Variants in CSRNP3 observed in about 807,000 individuals in gnomAD.
The protein encoded by CSRNP3 is cysteine/serine-rich nuclear protein 3.
A neutral mutation model predicts 48.0 loss-of-function variants in CSRNP3; 12 were observed. That is an observed-to-expected ratio of 0.25 (90% CI 0.16 to 0.41). The LOEUF (loss-of-function observed/expected upper bound fraction) is 0.41. Ranked by LOEUF, CSRNP3 falls within the 10% of genes least tolerant of loss-of-function variation. The pLI, the probability that CSRNP3 is intolerant of heterozygous loss-of-function variation, is 1.00. For missense variants in CSRNP3, 580 were observed against 724.4 expected (o/e 0.80, Z 2.29); for synonymous variants, 263 against 269.7 (o/e 0.98, Z 0.24).
chr2:165,517,578 T>G (rs1260047178), intron 2 of CSRNP3, among the ~76,000 whole-genome samples: 1 of 151,910 alleles, frequency 6.6e-6, no homozygotes, highest in Non-Finnish European at 1.5e-5. Context: ...GTTAATAAAA[T>G]GGATATATCT....
chr2:165,580,497 T>C (rs1367918998), intron 3 of CSRNP3, among the ~76,000 whole-genome samples: 1 of 152,204 alleles, frequency 6.6e-6, no homozygotes. Flanking sequence ...TTTCTACTTG[T>C]TGTAATTTTA....
rs1017424623 is a variant in CSRNP3, at chr2:165,682,764, A to G, written c.*3011A>G. ...AACAAAGAGCTGCCCACATGCCAGG[A>G]AAGTGCTACAGTCCTTCTAAGCTTT... On this transcript the variant is annotated 3_prime_UTR_variant, in exon 7 of 7. Transcript: ENST00000651982. 1 of 152,112 alleles carries G rather than the reference A, an allele frequency of 6.6e-6. No homozygotes were observed. Among genetic ancestry groups the G allele is most frequent in the Admixed American group, 6.6e-5 (1 of 15,234 alleles). The allele number at this position is 152,112 out of a possible 1,614,324, so 9.4% of individuals were successfully genotyped here.
At chr2:165,665,333 TA>T (rs1687160744) in intron 5 of CSRNP3, among the ~76,000 whole-genome samples, 1 of 152,174 alleles carries the variant, frequency 6.6e-6, no homozygotes, top group Non-Finnish European at 1.5e-5. Context: ...CTCAGCTAAC[TA>T]AAAGTCATAT....
intron 6 of CSRNP3, among the ~76,000 whole-genome samples, chr2:165,677,148 C>T (rs191324680): frequency 1.1e-4 from 16 of 152,244 alleles, no homozygotes; most frequent in South Asian, 8.3e-4. Context: ...ATGAAGGAAC[C>T]GAACTAGGTC....
chr2:165,510,478 C>G (rs1343803814), intron 2 of CSRNP3, among the ~76,000 whole-genome samples: 1 of 152,080 alleles, frequency 6.6e-6, no homozygotes, highest in African/African-American at 2.4e-5. Flanking sequence ...CTCTTGTATC[C>G]TTTTGACATG....
At chr2:165,650,891 T>TTAA (rs1401319950) in intron 4 of CSRNP3, among the ~76,000 whole-genome samples, 6 of 152,252 alleles carry the variant, frequency 3.9e-5, no homozygotes, top group African/African-American at 1.4e-4. Flanking sequence ...AATGGTAGAA[T>TTAA]TAATATCTTC....
rs58919895 is a variant in CSRNP3, at chr2:165,576,480, G to A, written c.-23-18563G>A. The stretch of plus-strand genomic sequence containing the variant: ...CTGAATATGGAAATAAAAACAGTGT[G>A]GGCAAAGAAGGAAAGCCCATGAAGA... On this transcript the variant is annotated intron_variant, in intron 3 of 6. Coordinates refer to ENST00000651982, the MANE Select transcript of CSRNP3 (RefSeq NM_001172173.2). Among the ~76,000 whole-genome samples, 532 of 152,024 alleles carry A rather than the reference G, an allele frequency of 3.5e-3. 3 individuals carry two copies. Among genetic ancestry groups the A allele is most frequent in the African/African-American group, 0.012 (493 of 41,504 alleles).
At chr2:165,508,439 A>G (rs1358561319) in intron 2 of CSRNP3, among the ~76,000 whole-genome samples, 1 of 152,106 alleles carries the variant, frequency 6.6e-6, no homozygotes, top group Admixed American at 6.6e-5. Flanking sequence ...ATCATACCAC[A>G]GACTTCGTTT....
In CSRNP3 at chr2:165,688,216, A is replaced by T. The variant is rs971275721; in HGVS notation, c.*8463A>T. 6.6e-6 allele frequency: 1 copy of T among 152,122 alleles called. No individual in the cohort carries two copies. The highest frequency in any genetic ancestry group is 1.5e-5 in the Non-Finnish European group (1 of 68,006). The allele number at this position is 152,122 out of a possible 1,614,324, so 9.4% of individuals were successfully genotyped here. On this transcript the variant is annotated 3_prime_UTR_variant, in exon 7 of 7. Coordinates refer to ENST00000651982, the MANE Select transcript of CSRNP3 (RefSeq NM_001172173.2). Reference sequence around the variant, plus strand: ...ATAATAAATGCTAGAAATTTACAGTACAGAAATAGTAAAAAAATAAAATAA... The same window carrying T: ...ATAATAAATGCTAGAAATTTACAGTTCAGAAATAGTAAAAAAATAAAATAA...
At chr2:165,518,935 A>G (rs943566489) in intron 3 of CSRNP3, among the ~76,000 whole-genome samples, 3 of 152,072 alleles carry the variant, frequency 2.0e-5, no homozygotes, top group Non-Finnish European at 2.9e-5. Context: ...TAATTTTACT[A>G]TTAACTCAGG....
rs1052026327 is a variant in CSRNP3, at chr2:165,683,494, T to C, written c.*3741T>C. On this transcript the variant is annotated 3_prime_UTR_variant, in exon 7 of 7. Transcript: ENST00000651982. Reference sequence around the variant, plus strand: ...AGATGACTTCTAGGCAAAATTTTGGTATGATTACCATTAAACAGGAAAACA... The same window carrying C: ...AGATGACTTCTAGGCAAAATTTTGGCATGATTACCATTAAACAGGAAAACA... 4.6e-5 allele frequency: 7 copies of C among 152,254 alleles called. No individual in the cohort carries two copies. Among genetic ancestry groups the C allele is most frequent in the Admixed American group, 1.3e-4 (2 of 15,276 alleles). The allele number at this position is 152,254 out of a possible 1,614,324, so 9.4% of individuals were successfully genotyped here.
At chr2:165,626,809 T>C (rs1686443642) in intron 4 of CSRNP3, among the ~76,000 whole-genome samples, 1 of 152,220 alleles carries the variant, frequency 6.6e-6, no homozygotes, top group Non-Finnish European at 1.5e-5. Flanking sequence ...AAATTACTTA[T>C]ATTCTTCGCA....
At chr2:165,633,477 T>G (rs1259839376) in intron 4 of CSRNP3, among the ~76,000 whole-genome samples, 1 of 152,244 alleles carries the variant, frequency 6.6e-6, no homozygotes, top group Non-Finnish European at 1.5e-5. Flanking sequence ...GAAAGCAATT[T>G]CTTCTGAAAA....
chr2:165,529,362 T>C (rs1684783034), intron 3 of CSRNP3, among the ~76,000 whole-genome samples: 1 of 152,178 alleles, frequency 6.6e-6, no homozygotes, highest in African/African-American at 2.4e-5. Flanking sequence ...GCTGTTGTTA[T>C]GATAGTGAAT....
intron 5 of CSRNP3, among the ~76,000 whole-genome samples, chr2:165,666,198 A>G (rs1259449893): frequency 6.9e-6 from 1 of 145,366 alleles, no homozygotes; most frequent in African/African-American, 2.5e-5. Context: ...GAGGAAAGAG[A>G]GAGAGGAAGA....
At chr2:165,641,284 T>C (rs1686717605) in intron 4 of CSRNP3, among the ~76,000 whole-genome samples, 1 of 152,178 alleles carries the variant, frequency 6.6e-6, no homozygotes, top group African/African-American at 2.4e-5. Flanking sequence ...TGCTTAGACC[T>C]CCCATCCCTG....
intron 3 of CSRNP3, among the ~76,000 whole-genome samples, chr2:165,541,578 A>T (rs978553505): frequency 3.9e-5 from 6 of 152,094 alleles, no homozygotes; most frequent in African/African-American, 1.4e-4. Context: ...AGGGACAGCC[A>T]ACCCAGGTGA....
intron 1 of CSRNP3, among the ~76,000 whole-genome samples, chr2:165,481,588 G>T (rs947342710): frequency 1.3e-5 from 2 of 152,192 alleles, no homozygotes; most frequent in African/African-American, 4.8e-5. Context: ...AGTAGAAACG[G>T]TGTGGTGTGA....
intron 3 of CSRNP3, among the ~76,000 whole-genome samples, chr2:165,539,409 T>C (rs1432235147): frequency 6.6e-6 from 1 of 152,024 alleles, no homozygotes; most frequent in Non-Finnish European, 1.5e-5. Context: ...CAGAATGAGC[T>C]GACTTTTTAC....
Sources: gnomAD v4.1 joint callset for allele counts (sites outside exome capture counted in the v4.1 genomes callset) on GRCh38, gnomAD v4.1.1 for gene constraint, MANE v1.5 for transcripts, NCBI Gene and HGNC (gene_info 2026-07-23, HGNC 2026-07-21) for gene names.